Variants in TMEM116 observed in about 807,000 individuals in gnomAD.
The protein encoded by TMEM116 is transmembrane protein 116.
A neutral mutation model predicts 44.3 loss-of-function variants in TMEM116; 38 were observed. That is an observed-to-expected ratio of 0.86 (90% CI 0.66 to 1.12). The LOEUF is 1.12. Ranked by LOEUF, TMEM116 falls within the 50% of genes most tolerant of loss-of-function variation. The pLI is 0.00. For missense variants in TMEM116, 354 were observed against 401.7 expected, an observed-to-expected ratio of 0.88 and a Z score of 1.01; for synonymous variants, 132 against 144.8, an observed-to-expected ratio of 0.91 and a Z score of 0.64.
rs2071743426 is a variant in TMEM116, at chr12:111,932,530, A to C, written c.807+56T>G. The C allele has an allele frequency of 2.8e-6, 4 of 1,445,460 alleles. No individual in the cohort carries two copies. The East Asian group carries it at 9.1e-5, about 33-fold the overall frequency. The allele number at this position is 1,445,460 out of a possible 1,614,324, so 89.5% of individuals were successfully genotyped here. On this transcript the variant is annotated intron_variant, in intron 10 of 10. Transcript: ENST00000552374. ...CATCCTTACCGAGTAAAGGTAGTAT[A>C]AGAAAATAGGATAAGCGGGTGTAAG... is the stretch of plus-strand genomic sequence containing the variant.
chr12:111,933,493 T>C (rs1334118673), intron 9 of TMEM116, among the ~76,000 whole-genome samples: 1 of 148,644 alleles, frequency 6.7e-6, no homozygotes, highest in Non-Finnish European at 1.5e-5. Flanking sequence ...ATCCTTCTTT[T>C]TTTTTTTTTT....
At chr12:111,993,912 G>A (rs2076771719) in intron 3 of TMEM116, 2 of 710,082 alleles carry the variant, frequency 2.8e-6, no homozygotes, top group Non-Finnish European at 2.7e-6. Context: ...AAGGTGTATG[G>A]AAGGGAATGT....
rs558074115 is a variant in TMEM116, at chr12:111,995,029, G to A, written c.79-3140C>T. The stretch of plus-strand genomic sequence containing the variant: ...GTGAAACCTCCCTGACTGCACGTCC[G>A]TTTATAGGCTCTCTGCAGGGAGAAG... On this transcript the variant is annotated intron_variant, in intron 3 of 10. Coordinates refer to ENST00000552374, the MANE Select transcript of TMEM116 (RefSeq NM_001193531.2). Among the ~76,000 whole-genome samples, 14 of 152,258 alleles carry A rather than the reference G, an allele frequency of 9.2e-5. 1 individual carries two copies. Among genetic ancestry groups the A allele is most frequent in the African/African-American group, 2.9e-4 (12 of 41,552 alleles).
chr12:112,004,622 T>C (rs1269113285), intron 2 of TMEM116, among the ~76,000 whole-genome samples: 2 of 152,020 alleles, frequency 1.3e-5, no homozygotes, highest in African/African-American at 2.4e-5. Context: ...CTTCACAAAT[T>C]TGCACATTCT....
intron 4 of TMEM116, among the ~76,000 whole-genome samples, chr12:111,957,339 G>A (rs1287173321): frequency 6.6e-6 from 1 of 151,730 alleles, no homozygotes; most frequent in Non-Finnish European, 1.5e-5. Context: ...GGGAGGTGAG[G>A]AGCATCTCTG....
intron 2 of TMEM116, 55 bp from the exon 3 acceptor site, chr12:112,003,918 T>C: frequency 7.0e-7 from 1 of 1,426,142 alleles, no homozygotes; most frequent in Non-Finnish European, 9.1e-7. Context: ...AGTGCCATCG[T>C]TTTTGTTATT....
chr12:111,949,885 C>A (rs2073579837), intron 4 of TMEM116, among the ~76,000 whole-genome samples: 1 of 152,070 alleles, frequency 6.6e-6, no homozygotes, highest in Non-Finnish European at 1.5e-5. Flanking sequence ...AAGACCGAGG[C>A]GGGTGGATCA....
chr12:111,997,772 T>C (rs1313849479), intron 3 of TMEM116, among the ~76,000 whole-genome samples: 4 of 152,178 alleles, frequency 2.6e-5, no homozygotes, highest in Non-Finnish European at 1.5e-5. Context: ...ATGGTCAAGT[T>C]GCCTTGGCTA....
intron 4 of TMEM116, among the ~76,000 whole-genome samples, chr12:111,969,769 G>A (rs537577283): frequency 6.9e-6 from 1 of 145,136 alleles, no homozygotes; most frequent in Admixed American, 6.8e-5. Context: ...TAGTAGAGAC[G>A]GGGTTTCTCC....
intron 5 of TMEM116, among the ~76,000 whole-genome samples, chr12:111,940,328 A>G (rs1421504591): frequency 6.7e-6 from 1 of 150,040 alleles, no homozygotes; most frequent in Non-Finnish European, 1.5e-5. Flanking sequence ...ATATATATCT[A>G]TACATATAAA....
In TMEM116 at chr12:111,931,765, T is replaced by A; in HGVS notation, c.870A>T (p.Lys290Asn). 1.2e-6 allele frequency: 2 copies of A among 1,603,836 alleles called. No homozygotes were observed. Among genetic ancestry groups the A allele is most frequent in the Non-Finnish European group, 1.7e-6 (2 of 1,175,142 alleles). ...NCGVYGWTQH[K>N]FHQLKQEARR... Reference sequence around the variant, plus strand: ...GAGCCTCCTGCTTTAGTTGGTGGAATTTGTGCTGCGTCCAGCCATATACTC... The same window carrying A: ...GAGCCTCCTGCTTTAGTTGGTGGAAATTGTGCTGCGTCCAGCCATATACTC... The change falls in exon 11 of 11, where the codon AAA becomes AAT. Residue 290 changes from lysine (K) to asparagine (N), a missense_variant. Transcript: ENST00000552374.
intron 4 of TMEM116, among the ~76,000 whole-genome samples, chr12:111,967,673 C>T (rs2075058147): frequency 6.6e-6 from 1 of 152,008 alleles, no homozygotes; most frequent in African/African-American, 2.4e-5. Context: ...ACAGTAATGA[C>T]ACAATGATAC....
At chr12:111,981,064 CA>C (rs147175860) in intron 4 of TMEM116, among the ~76,000 whole-genome samples, 37,300 of 110,556 alleles carry the variant, frequency 0.34, 5,825 homozygotes, top group East Asian at 0.84. Context: ...GACACTGTCT[CA>C]AAAAAAAAAA....
rs11066124 is a variant in TMEM116, at chr12:112,006,666, T to C, written c.-33-1363A>G. 0.055 allele frequency among the ~76,000 whole-genome samples: 8,442 copies of C among 152,148 alleles called. 1,298 individuals carry two copies. In the East Asian group the frequency reaches 0.61, roughly 11 times the overall value. The stretch of plus-strand genomic sequence containing the variant: ...AATATAGTAGGAAAAATGGCCTGAA[T>C]ACCAAAAATTCAAATGATTTGCGCA... On this transcript the variant is annotated intron_variant, in intron 1 of 10. Coordinates refer to ENST00000552374, the MANE Select transcript of TMEM116 (RefSeq NM_001193531.2).
intron 4 of TMEM116, among the ~76,000 whole-genome samples, chr12:111,989,698 T>A (rs1403470904): frequency 6.6e-6 from 1 of 152,202 alleles, no homozygotes; most frequent in Non-Finnish European, 1.5e-5. Context: ...TGGGAAAAGA[T>A]AATCAACAGA....
intron 4 of TMEM116, among the ~76,000 whole-genome samples, chr12:111,956,476 T>C (rs1006732576): frequency 6.6e-6 from 1 of 152,090 alleles, no homozygotes; most frequent in Non-Finnish European, 1.5e-5. Flanking sequence ...AAGAATAGCA[T>C]CAACATCAAA....
At chr12:111,936,940 C>T in intron 7 of TMEM116, 110 bp from the exon 8 acceptor site, 1 of 1,253,870 alleles carries the variant, frequency 8.0e-7, no homozygotes, top group Non-Finnish European at 1.1e-6. Context: ...AACTCTTGCT[C>T]ATAAAACCTT....
chr12:111,993,769 G>A, intron 3 of TMEM116: 1 of 713,130 alleles, frequency 1.4e-6, no homozygotes, highest in East Asian at 2.7e-5. Context: ...GGAGCTGGTT[G>A]TAACATTTGT....
In TMEM116 at chr12:111,988,990, TCAAAAACAAAAACAAAA is replaced by T. The variant is rs529627261; in HGVS notation, c.210+2751_210+2767del. On this transcript the variant is annotated intron_variant, in intron 4 of 10. Transcript: ENST00000552374. Reference sequence around the variant, plus strand: ...CTGGGCAATAGTGTGAGACTCTGTCTCAAAAACAAAAACAAAACAAAAACAAAAACAAAAACAAAAAA... The same window carrying T: ...CTGGGCAATAGTGTGAGACTCTGTCTCAAAAACAAAAACAAAAACAAAAAA... Among the ~76,000 whole-genome samples the T allele has an allele frequency of 9.7e-3, 1,472 of 151,770 alleles. 25 individuals are homozygous for T. The highest frequency in any genetic ancestry group is 0.034 in the African/African-American group (1,398 of 41,202).
Sources: allele counts gnomAD v4.1 joint callset (sites outside exome capture counted in the v4.1 genomes callset), GRCh38; gene constraint gnomAD v4.1.1; transcripts MANE v1.5; gene names NCBI Gene and HGNC (gene_info 2026-07-23, HGNC 2026-07-21).